The following ARHGAP24 variants were observed in gnomAD, a reference collection of about 807,000 sequenced individuals.
The protein encoded by ARHGAP24 is rho GTPase-activating protein 24.
A neutral mutation model predicts 76.4 loss-of-function variants in ARHGAP24; 50 were observed. The ratio of observed to expected loss-of-function variants is 0.65; its 90% CI spans 0.52 to 0.83. The LOEUF (loss-of-function observed/expected upper bound fraction) is 0.83, where lower values mean the gene tolerates loss of function less well. Among genes scored for constraint, ARHGAP24 ranks in the 40% least tolerant of loss-of-function variants. The probability of loss-of-function intolerance (pLI) is 0.00; values close to 1 mark genes in which losing one functional copy is unlikely to be tolerated. For missense variants in ARHGAP24, 930 were observed against 914.2 expected (o/e 1.02, Z -0.22); for synonymous variants, 345 against 323.3 (o/e 1.07, Z -0.72).
intron 1 of ARHGAP24, among the ~76,000 whole-genome samples, chr4:85,481,556 C>T (rs948322486): frequency 6.6e-6 from 1 of 152,122 alleles, no homozygotes; most frequent in African/African-American, 2.4e-5. Context: ...AAAAGAGGCT[C>T]CATCTACCAT....
Position 85,645,913 on chromosome 4 carries a change from A to T in ARHGAP24, c.180+75192A>T, listed in dbSNP as rs571031542. On this transcript the variant is annotated intron_variant, in intron 2 of 9. Transcript: ENST00000395184. ...ATAATGTCTTAATGTTTGATTGTTG[A>T]TACAATATGTATCAAATCATAGATG... Among the ~76,000 whole-genome samples the T allele has an allele frequency of 1.2e-4, 19 of 152,206 alleles. No homozygotes were observed. In the East Asian group the frequency reaches 3.7e-3, roughly 29 times the overall value.
chr4:85,770,346 G>A (rs1244052416), intron 3 of ARHGAP24, among the ~76,000 whole-genome samples: 1 of 152,116 alleles, frequency 6.6e-6, no homozygotes. Context: ...AGCATAGTAT[G>A]GTATCACATT....
chr4:85,614,340 G>A (rs1340030933), intron 2 of ARHGAP24, among the ~76,000 whole-genome samples: 3 of 152,022 alleles, frequency 2.0e-5, no homozygotes, highest in Non-Finnish European at 4.4e-5. Context: ...TAGGGGAAAG[G>A]ATACCTACTT....
At chr4:85,830,622 TCCCA>T (rs1367764394) in intron 3 of ARHGAP24, among the ~76,000 whole-genome samples, 16 of 152,306 alleles carry the variant, frequency 1.1e-4, no homozygotes, top group African/African-American at 3.6e-4. Context: ...TACTAACTCT[TCCCA>T]AAGCAGTATA....
chr4:85,973,849 T>G (rs202009984), intron 6 of ARHGAP24, among the ~76,000 whole-genome samples: 3 of 128,230 alleles, frequency 2.3e-5, no homozygotes, highest in Non-Finnish European at 3.2e-5. Context: ...TTTTTTTTTT[T>G]TTTTTTTTTT....
intron 3 of ARHGAP24, among the ~76,000 whole-genome samples, chr4:85,798,065 C>A (rs1488359987): frequency 6.5e-5 from 1 of 15,464 alleles, no homozygotes; most frequent in Non-Finnish European, 6.7e-3. Context: ...GAGTTTACTA[C>A]TAAAAAAGGA....
chr4:85,566,807 G>A (rs1353227967), intron 1 of ARHGAP24, among the ~76,000 whole-genome samples: 1 of 152,190 alleles, frequency 6.6e-6, no homozygotes, highest in Admixed American at 6.5e-5. Flanking sequence ...ACAGTTCAGC[G>A]ATAGAGAATA....
At chr4:85,625,438 A>C (rs868652785) in intron 2 of ARHGAP24, among the ~76,000 whole-genome samples, 1 of 152,084 alleles carries the variant, frequency 6.6e-6, no homozygotes, top group African/African-American at 2.4e-5. Flanking sequence ...TCTGAGAGAC[A>C]GTTTGTTATA....
At position 85,573,785 on chromosome 4, in the gene ARHGAP24, G is replaced by A. The variant is rs1018635686; in HGVS notation, c.180+3064G>A. ...TGTGTGTAACAGCCAAAAGGACATT[G>A]TTAATAAGTGACAGATGAGGAGCTA... On this transcript the variant is annotated intron_variant, in intron 2 of 9. Coordinates refer to ENST00000395184, the MANE Select transcript of ARHGAP24 (RefSeq NM_001025616.3). Among the ~76,000 whole-genome samples, 11 of 152,294 alleles carry A rather than the reference G, an allele frequency of 7.2e-5. No homozygotes were observed. In the East Asian group the frequency reaches 2.1e-3, roughly 29 times the overall value.
intron 8 of ARHGAP24, among the ~76,000 whole-genome samples, chr4:85,986,083 T>C (rs1204109699): frequency 1.3e-5 from 2 of 152,194 alleles, no homozygotes; most frequent in Non-Finnish European, 2.9e-5. Context: ...ATGAATTCTA[T>C]TGAAAAACAT....
At chr4:85,655,907 A>G (rs1330544668) in intron 2 of ARHGAP24, among the ~76,000 whole-genome samples, 1 of 151,080 alleles carries the variant, frequency 6.6e-6, no homozygotes, top group Non-Finnish European at 1.5e-5. Context: ...ACGTGAATAA[A>G]ATATGTAAAG....
At chr4:85,902,613 T>A (rs1314643053) in intron 3 of ARHGAP24, among the ~76,000 whole-genome samples, 1 of 152,224 alleles carries the variant, frequency 6.6e-6, no homozygotes, top group Non-Finnish European at 1.5e-5. Flanking sequence ...TTTTATTTTT[T>A]ATTTTTTTGA....
chr4:85,885,446 C>T, intron 3 of ARHGAP24, among the ~76,000 whole-genome samples: 1 of 151,960 alleles, frequency 6.6e-6, no homozygotes, highest in East Asian at 1.9e-4. Context: ...TTAGCTGTTA[C>T]CCAGTTTGGG....
At chr4:85,478,899 G>T (rs1406035741) in intron 1 of ARHGAP24, among the ~76,000 whole-genome samples, 2 of 152,182 alleles carry the variant, frequency 1.3e-5, no homozygotes, top group African/African-American at 4.8e-5. Flanking sequence ...AATAATTGTT[G>T]CAATAATTTT....
chr4:85,592,155 C>T (rs1362382521), intron 2 of ARHGAP24, among the ~76,000 whole-genome samples: 4 of 152,148 alleles, frequency 2.6e-5, no homozygotes, highest in African/African-American at 9.7e-5. Flanking sequence ...TTTGTTTTCT[C>T]TAACTTTTAA....
At chr4:85,566,613 G>T (rs1726855521) in intron 1 of ARHGAP24, among the ~76,000 whole-genome samples, 1 of 152,160 alleles carries the variant, frequency 6.6e-6, no homozygotes, top group Non-Finnish European at 1.5e-5. Flanking sequence ...AGCTCCATCT[G>T]TTGATTCAAC....
At position 85,827,903 on chromosome 4, in the gene ARHGAP24, A is replaced by G. The variant is rs1304617867; in HGVS notation, c.269-95745A>G. ...TGCTTTAAGCGACTCAGGACAGAGC[A>G]GCTGCTCTGTCTCCCAGCTTGCAAG... On this transcript the variant is annotated intron_variant, in intron 3 of 9. Transcript: ENST00000395184. 4 of 1,289,588 alleles carry G rather than the reference A, an allele frequency of 3.1e-6. No homozygotes were observed. The African/African-American group carries it at 6.1e-5, about 20-fold the overall frequency. The allele number at this position is 1,289,588 out of a possible 1,614,324, so 79.9% of individuals were successfully genotyped here. A position where few individuals can be genotyped will look rare whatever the true frequency, so the allele number is the denominator to read the frequency against.
At chr4:85,556,734 C>T (rs892143436) in intron 1 of ARHGAP24, among the ~76,000 whole-genome samples, 2 of 152,154 alleles carry the variant, frequency 1.3e-5, no homozygotes, top group Non-Finnish European at 2.9e-5. Flanking sequence ...AAGGTGGCTG[C>T]ACTGTGCTGG....
At chr4:85,709,861 A>G (rs1724460389) in intron 2 of ARHGAP24, among the ~76,000 whole-genome samples, 1 of 152,212 alleles carries the variant, frequency 6.6e-6, no homozygotes, top group Admixed American at 6.5e-5. Context: ...CAAAGAAATC[A>G]GAGTTGATAC....
Sources: allele counts gnomAD v4.1 joint callset (sites outside exome capture counted in the v4.1 genomes callset), GRCh38; gene constraint gnomAD v4.1.1; transcripts MANE v1.5; gene names NCBI Gene and HGNC (gene_info 2026-07-23, HGNC 2026-07-21).